Variants in PACRG observed in about 807,000 individuals in gnomAD.
PACRG encodes the protein parkin coregulated gene protein.
A neutral mutation model predicts 29.7 loss-of-function variants in PACRG; 29 were observed. That is an observed-to-expected ratio of 0.98 (90% CI 0.73 to 1.33). The LOEUF (loss-of-function observed/expected upper bound fraction) is 1.33. PACRG is among the 40% of genes most tolerant of loss of function. The probability of loss-of-function intolerance (pLI) is 0.00; values close to 1 mark genes in which losing one functional copy is unlikely to be tolerated. For missense variants in PACRG, 279 were observed against 316.2 expected (o/e 0.88, Z 0.89); for synonymous variants, 116 against 118.7 (o/e 0.98, Z 0.15).
rs1316573212 is a variant in PACRG at position 162,747,353 on chromosome 6, TATATATATATACACATAC to T, written c.156+18971_156+18988del. ...ATATATATATATATATATATATATA[TATATATATATACACATAC>T]ATATATATGTATATATATGTATATA... On this transcript the variant is annotated intron_variant, in intron 1 of 4. Coordinates refer to ENST00000366888, the MANE Select transcript of PACRG (RefSeq NM_001080379.2). Among the ~76,000 whole-genome samples the T allele has an allele frequency of 3.7e-3, 274 of 74,748 alleles. 6 individuals carry two copies. Among genetic ancestry groups the T allele is most frequent in the African/African-American group, 0.012 (160 of 13,818 alleles). The allele number at this position is 74,748 out of a possible 152,430, so 49.0% of individuals were successfully genotyped here. A position where few individuals can be genotyped will look rare whatever the true frequency, so the allele number is the denominator to read the frequency against.
chr6:162,814,172 C>A lies in PACRG; in HGVS notation c.182C>A (p.Ala61Glu), dbSNP rs1787126149. The part of the protein sequence containing the change: ...SVVRGPPAAG[A>E]FKERPTKPTA... ...GTGAGAGGCCCTCCAGCTGCAGGGG[C>A]ATTTAAAGAAAGACCAACCAAGCCC... The change falls in exon 2 of 5, where the codon GCA becomes GAA. Residue 61 changes from alanine to glutamate, a missense_variant. Transcript: ENST00000366888. The A allele has an allele frequency of 6.2e-7, 1 of 1,612,390 alleles. No individual in the cohort carries two copies. The highest frequency in any genetic ancestry group is 8.5e-7 in the Non-Finnish European group (1 of 1,178,964).
intron 4 of PACRG, among the ~76,000 whole-genome samples, chr6:163,096,281 C>T (rs184568792): frequency 2.6e-4 from 39 of 152,300 alleles, no homozygotes; most frequent in African/African-American, 7.7e-4. Context: ...AGCCCAGTCT[C>T]GAGGGACCTG....
At chr6:163,223,122 G>A (rs551557976) in intron 4 of PACRG, among the ~76,000 whole-genome samples, 1 of 152,152 alleles carries the variant, frequency 6.6e-6, no homozygotes. Context: ...GACCGGGCGC[G>A]ATGGCTCGTG....
chr6:163,213,505 G>A (rs1006863158), intron 4 of PACRG, among the ~76,000 whole-genome samples: 7 of 152,296 alleles, frequency 4.6e-5, no homozygotes, highest in African/African-American at 2.4e-5. Context: ...CTTGTGTTAC[G>A]ATTATGTAGG....
chr6:162,814,191 C>G lies in PACRG; in HGVS notation c.201C>G (p.Thr67=). The change falls in exon 2 of 5, where the codon ACC becomes ACG. Residue 67 remains threonine (T), a synonymous_variant. Coordinates refer to ENST00000366888, the MANE Select transcript of PACRG (RefSeq NM_001080379.2). ...PAAGAFKERP[T]KPTAFRKFYE... The stretch of plus-strand genomic sequence containing the variant: ...CAGGGGCATTTAAAGAAAGACCAAC[C>G]AAGCCCACAGCATTTCGAAAATTCT... The G allele has an allele frequency of 6.2e-7, 1 of 1,613,430 alleles. No homozygotes were observed. The highest frequency in any genetic ancestry group is 8.5e-7 in the Non-Finnish European group (1 of 1,179,666).
intron 2 of PACRG, among the ~76,000 whole-genome samples, chr6:162,818,373 T>TA (rs1386935089): frequency 6.6e-6 from 1 of 152,182 alleles, no homozygotes; most frequent in Non-Finnish European, 1.5e-5. Flanking sequence ...CGCACACTTC[T>TA]AATGATGGTG....
chr6:162,916,306 T>C (rs1234586843), intron 2 of PACRG, among the ~76,000 whole-genome samples: 4 of 152,186 alleles, frequency 2.6e-5, no homozygotes, highest in Non-Finnish European at 5.9e-5. Flanking sequence ...CTAGCTGTTT[T>C]AAGTATTTCT....
chr6:162,981,148 A>C (rs1174961124), intron 2 of PACRG, among the ~76,000 whole-genome samples: 1 of 151,920 alleles, frequency 6.6e-6, no homozygotes, highest in Non-Finnish European at 1.5e-5. Context: ...TTGGTTTTCC[A>C]TTCCTGAATT....
At chr6:163,003,334 C>T (rs965699050) in intron 2 of PACRG, among the ~76,000 whole-genome samples, 1 of 152,082 alleles carries the variant, frequency 6.6e-6, no homozygotes, top group African/African-American at 2.4e-5. Context: ...ATAAAGCTTG[C>T]TTCAATAATT....
At chr6:163,203,030 G>A (rs1177021123) in intron 4 of PACRG, among the ~76,000 whole-genome samples, 1 of 152,100 alleles carries the variant, frequency 6.6e-6, no homozygotes, top group Admixed American at 6.5e-5. Flanking sequence ...TGCCACAGCT[G>A]CTAGTCAGGG....
intron 4 of PACRG, among the ~76,000 whole-genome samples, chr6:163,186,392 T>C (rs1285473120): frequency 6.6e-6 from 1 of 151,766 alleles, no homozygotes; most frequent in Non-Finnish European, 1.5e-5. Context: ...CAGACACAGA[T>C]ACACACACAC....
At chr6:162,741,604 C>A (rs985689422) in intron 1 of PACRG, among the ~76,000 whole-genome samples, 1 of 152,124 alleles carries the variant, frequency 6.6e-6, no homozygotes, top group African/African-American at 2.4e-5. Context: ...ATTACTACCC[C>A]CAAAGCCCCA....
At chr6:162,954,513 A>G (rs1799880061) in intron 2 of PACRG, among the ~76,000 whole-genome samples, 1 of 151,078 alleles carries the variant, frequency 6.6e-6, no homozygotes, top group Non-Finnish European at 1.5e-5. Flanking sequence ...TTATTTTTTT[A>G]CTGCACAACC....
At chr6:163,263,833 G>A (rs1476120305) in intron 4 of PACRG, among the ~76,000 whole-genome samples, 5 of 152,116 alleles carry the variant, frequency 3.3e-5, no homozygotes, top group Admixed American at 1.3e-4. Flanking sequence ...CTGCTAACAC[G>A]GATAAATAAG....
At chr6:163,264,984 C>T (rs13220110) in intron 4 of PACRG, among the ~76,000 whole-genome samples, 37,193 of 152,084 alleles carry the variant, frequency 0.24, 4,946 homozygotes, top group Admixed American at 0.33. Context: ...AATGATAATT[C>T]TATGGTGATA....
chr6:163,081,173 T>G (rs923931192), intron 3 of PACRG, among the ~76,000 whole-genome samples: 1 of 152,194 alleles, frequency 6.6e-6, no homozygotes, highest in African/African-American at 2.4e-5. Flanking sequence ...ACTCCTGAAC[T>G]AGCAAAATTT....
At chr6:162,781,790 A>G (rs1784112647) in intron 1 of PACRG, among the ~76,000 whole-genome samples, 1 of 151,810 alleles carries the variant, frequency 6.6e-6, no homozygotes, top group African/African-American at 2.4e-5. Context: ...CCAAAAAAGG[A>G]TATAAAACAC....
intron 4 of PACRG, among the ~76,000 whole-genome samples, chr6:163,109,237 G>C (rs188095795): frequency 2.0e-4 from 31 of 152,248 alleles, no homozygotes; most frequent in African/African-American, 6.5e-4. Context: ...TATTTCCCTT[G>C]CTCCCCAAAA....
intron 4 of PACRG, among the ~76,000 whole-genome samples, chr6:163,230,946 C>T (rs753346130): frequency 5.3e-5 from 8 of 152,130 alleles, no homozygotes; most frequent in Non-Finnish European, 7.4e-5. Flanking sequence ...AAGAAGCCTG[C>T]GGGACAGAAA....
Sources: gnomAD v4.1 joint callset for allele counts (sites outside exome capture counted in the v4.1 genomes callset) on GRCh38, gnomAD v4.1.1 for gene constraint, MANE v1.5 for transcripts, NCBI Gene and HGNC (gene_info 2026-07-23, HGNC 2026-07-21) for gene names.